PHF21B: variants seen among roughly 807,000 people sequenced by gnomAD.
PHF21B encodes PHD finger protein 21B, also known as PHD finger protein 4.
A neutral mutation model predicts 62.2 loss-of-function variants in PHF21B; 22 were observed. The observed-to-expected ratio is 0.35, with a 90% CI of 0.25 to 0.51. The LOEUF (loss-of-function observed/expected upper bound fraction) is 0.51, where lower values mean the gene tolerates loss of function less well. Ranked by LOEUF, PHF21B falls within the 20% of genes least tolerant of loss-of-function variation. PHF21B has a pLI of 0.97. For synonymous variants in PHF21B, 341 were observed against 314.7 expected (o/e 1.08, Z -0.88); for missense variants, 701 against 707.9 (o/e 0.99, Z 0.11).
chr22:44,946,937 C>T (rs539906747), intron 2 of PHF21B, among the ~76,000 whole-genome samples: 11 of 152,292 alleles, frequency 7.2e-5, no homozygotes, highest in Non-Finnish European at 1.0e-4. Context: ...GACCTGGAAA[C>T]GGGGCACAGG....
chr22:45,008,806 C>T, intron 1 of PHF21B, 196 bp from the exon 2 acceptor site: 1 of 1,178,564 alleles, frequency 8.5e-7, no homozygotes, highest in Non-Finnish European at 1.0e-6. Flanking sequence ...GTGGCTGCCG[C>T]CTCATCGGGG....
At chr22:44,908,600 G>C (rs1379572216) in intron 5 of PHF21B, among the ~76,000 whole-genome samples, 3 of 152,206 alleles carry the variant, frequency 2.0e-5, no homozygotes, top group Non-Finnish European at 4.4e-5. Flanking sequence ...GGGAGCTGCA[G>C]CGACAGCGGA....
At chr22:44,956,071 C>T (rs181179816) in intron 2 of PHF21B, among the ~76,000 whole-genome samples, 6 of 152,228 alleles carry the variant, frequency 3.9e-5, no homozygotes, top group African/African-American at 1.2e-4. Context: ...CAGCCATCAG[C>T]CCGCGAGGAA....
intron 7 of PHF21B, 52 bp downstream of exon 7, chr22:44,893,405 T>C: frequency 6.5e-7 from 1 of 1,526,894 alleles, no homozygotes; most frequent in Non-Finnish European, 8.9e-7. Context: ...CTGGAGGCTG[T>C]GCACTGGGAG....
chr22:44,884,479 C>G (rs111174429), intron 12 of PHF21B, among the ~76,000 whole-genome samples: 1 of 145,816 alleles, frequency 6.9e-6, no homozygotes, highest in African/African-American at 2.5e-5. Context: ...ACCACCATCA[C>G]CACCACCATG....
At chr22:44,918,787 G>C (rs191791871) in intron 3 of PHF21B, among the ~76,000 whole-genome samples, 121 of 152,368 alleles carry the variant, frequency 7.9e-4, no homozygotes, top group South Asian at 1.2e-3. Flanking sequence ...GGAAGGGAGA[G>C]AGGAAGAAGA....
chr22:44,965,167 C>T (rs1049454000), intron 2 of PHF21B, among the ~76,000 whole-genome samples: 2 of 152,162 alleles, frequency 1.3e-5, no homozygotes, highest in Non-Finnish European at 2.9e-5. Flanking sequence ...TGGACCATCC[C>T]CCTGTGCCAC....
intron 2 of PHF21B, among the ~76,000 whole-genome samples, chr22:44,932,983 C>T (rs752363581): frequency 1.3e-5 from 2 of 152,278 alleles, no homozygotes; most frequent in Non-Finnish European, 2.9e-5. Flanking sequence ...CCACAAGCCC[C>T]TCAAAGGGGG....
At chr22:45,001,637 G>A (rs1395524228) in intron 2 of PHF21B, among the ~76,000 whole-genome samples, 11 of 152,344 alleles carry the variant, frequency 7.2e-5, no homozygotes, top group Admixed American at 2.0e-4. Context: ...AGATGTCACC[G>A]TCACTCACAA....
At chr22:44,955,999 C>T (rs1489991373) in intron 2 of PHF21B, among the ~76,000 whole-genome samples, 3 of 152,196 alleles carry the variant, frequency 2.0e-5, no homozygotes, top group South Asian at 2.1e-4. Context: ...CAGGGAGGCA[C>T]GGTGCTTTGT....
intron 2 of PHF21B, among the ~76,000 whole-genome samples, chr22:44,992,610 C>T (rs1412176566): frequency 6.6e-6 from 1 of 152,236 alleles, no homozygotes; most frequent in African/African-American, 2.4e-5. Flanking sequence ...GTGGCAGAGC[C>T]AGGGTCCCCA....
chr22:44,991,802 G>T (rs1376863411), intron 2 of PHF21B, among the ~76,000 whole-genome samples: 1 of 152,246 alleles, frequency 6.6e-6, no homozygotes, highest in Admixed American at 6.5e-5. Flanking sequence ...GACTCACCTG[G>T]GGACACGGGA....
intron 3 of PHF21B, among the ~76,000 whole-genome samples, chr22:44,918,077 A>G (rs2071470796): frequency 6.6e-6 from 1 of 152,258 alleles, no homozygotes; most frequent in South Asian, 2.1e-4. Context: ...CCCCAATGCC[A>G]GGCTTACAGC....
intron 2 of PHF21B, among the ~76,000 whole-genome samples, chr22:44,964,417 G>C (rs567625020): frequency 6.6e-5 from 10 of 152,330 alleles, no homozygotes; most frequent in South Asian, 4.1e-4. Flanking sequence ...CTCCCACTGA[G>C]CAGCTCAGGC....
At chr22:44,887,082 G>A (rs183135495) in intron 10 of PHF21B, among the ~76,000 whole-genome samples, 89 of 148,848 alleles carry the variant, frequency 6.0e-4, no homozygotes, top group Admixed American at 1.6e-3. Context: ...CTTGAACCCA[G>A]AAGGCAGAGG....
At chr22:44,963,250 C>T (rs1569258280) in intron 2 of PHF21B, among the ~76,000 whole-genome samples, 1 of 152,208 alleles carries the variant, frequency 6.6e-6, no homozygotes, top group Non-Finnish European at 1.5e-5. Context: ...GAGGGCAAGA[C>T]AGCACACTGG....
intron 2 of PHF21B, among the ~76,000 whole-genome samples, chr22:44,954,520 C>T (rs941615545): frequency 6.6e-6 from 1 of 152,250 alleles, no homozygotes; most frequent in African/African-American, 2.4e-5. Context: ...CGGCACTAGC[C>T]GAGCCAGCGT....
At chr22:44,914,474 C>G (rs532943370) in intron 4 of PHF21B, among the ~76,000 whole-genome samples, 17 of 152,356 alleles carry the variant, frequency 1.1e-4, no homozygotes, top group South Asian at 6.2e-4. Flanking sequence ...GCGGCGAGGA[C>G]TTCTCATCCC....
intron 5 of PHF21B, among the ~76,000 whole-genome samples, chr22:44,909,815 C>A (rs1449801279): frequency 1.2e-4 from 18 of 152,250 alleles, no homozygotes; most frequent in Admixed American, 1.2e-3. Flanking sequence ...TCTACCCCTG[C>A]AGACCATGCC....
Sources: gnomAD v4.1 joint callset for allele counts (sites outside exome capture counted in the v4.1 genomes callset) on GRCh38, gnomAD v4.1.1 for gene constraint, MANE v1.5 for transcripts, NCBI Gene and HGNC (gene_info 2026-07-23, HGNC 2026-07-21) for gene names.